The following NECTIN2 variants were observed in gnomAD, a reference collection of about 807,000 sequenced individuals.
NECTIN2 encodes the protein nectin cell adhesion molecule 2, also known as nectin-2.
Under a neutral mutation model 56.9 loss-of-function variants are expected in NECTIN2, and 23 were observed. The observed-to-expected ratio is 0.40, with a 90% CI of 0.29 to 0.57. The LOEUF (loss-of-function observed/expected upper bound fraction) is 0.57. Ranked by LOEUF, NECTIN2 falls within the 20% of genes least tolerant of loss-of-function variation. NECTIN2 has a pLI of 0.38. For missense variants in NECTIN2, 587 were observed against 718.3 expected (o/e 0.82, Z 2.09); for synonymous variants, 302 against 313.8 (o/e 0.96, Z 0.40).
Position 44,874,346 on chromosome 19 carries a change from C to A in NECTIN2, c.910C>A (p.Pro304Thr). 6.2e-7 allele frequency: 1 copy of A among 1,614,162 alleles called. No homozygotes were observed. Among genetic ancestry groups the A allele is most frequent in the Non-Finnish European group, 8.5e-7 (1 of 1,180,014 alleles). Residue 304 changes from proline (P) to threonine (T), a missense_variant, in exon 5 of 9, where the codon CCG (proline) becomes ACG (threonine). Coordinates refer to ENST00000252483, the MANE Select transcript of NECTIN2 (RefSeq NM_001042724.2). This position sits in a 1 kb window ranked among gnomAD's most constrained non-coding sequence, Gnocchi z 6.3. ...YDWSTTSGTF[P>T]TSAVAQGSQL... The stretch of plus-strand genomic sequence containing the variant: ...CCCCTCCAGGACCTCAGGCACCTTC[C>A]CGACCTCCGCAGTGGCCCAGGGCTC...
At chr19:44,856,284 G>A (rs530689027) in intron 1 of NECTIN2, among the ~76,000 whole-genome samples, 2 of 152,302 alleles carry the variant, frequency 1.3e-5, no homozygotes, top group African/African-American at 4.8e-5. Context: ...GTGATACAGC[G>A]AGAATGTGTT....
At chr19:44,882,719 C>T (rs1001647146) in intron 6 of NECTIN2, among the ~76,000 whole-genome samples, 2 of 145,388 alleles carry the variant, frequency 1.4e-5, no homozygotes, top group African/African-American at 5.0e-5. Flanking sequence ...AAAAAAATGG[C>T]CACGCAGGGT....
intron 5 of NECTIN2, chr19:44,878,307 C>A: frequency 6.8e-7 from 1 of 1,462,888 alleles, no homozygotes; most frequent in Non-Finnish European, 9.3e-7. Flanking sequence ...CTGCTTCTGG[C>A]TGGGGGGTCC....
chr19:44,847,001 T>C (rs978323494), intron 1 of NECTIN2, among the ~76,000 whole-genome samples: 26 of 152,078 alleles, frequency 1.7e-4, no homozygotes, highest in Admixed American at 2.6e-4. Flanking sequence ...TCTACCCCTC[T>C]CAGGAATGTG....
At chr19:44,864,386 T>C (rs1319606960) in intron 1 of NECTIN2, among the ~76,000 whole-genome samples, 1 of 151,942 alleles carries the variant, frequency 6.6e-6, no homozygotes, top group African/African-American at 2.4e-5. Flanking sequence ...AAAGGCAGGG[T>C]CTCACTCTGT....
intron 1 of NECTIN2, among the ~76,000 whole-genome samples, chr19:44,847,622 C>T (rs1345257644): frequency 6.6e-6 from 1 of 152,306 alleles, no homozygotes; most frequent in Admixed American, 6.5e-5. Context: ...CCCCGAGTCC[C>T]AGAGGCTGGG....
intron 1 of NECTIN2, among the ~76,000 whole-genome samples, chr19:44,860,443 A>G (rs12978931): frequency 0.19 from 29,411 of 151,934 alleles, 3,100 homozygotes; most frequent in East Asian, 0.46. Context: ...GGCCCCAGAG[A>G]CGGTTTGCAG....
At chr19:44,878,399 T>G (rs781174200) in intron 5 of NECTIN2, 11 of 1,561,490 alleles carry the variant, frequency 7.0e-6, no homozygotes, top group African/African-American at 1.4e-5. Context: ...CGACGGGGGA[T>G]TCTACGATCC....
At chr19:44,850,717 A>C (rs905987996) in intron 1 of NECTIN2, among the ~76,000 whole-genome samples, 1 of 152,176 alleles carries the variant, frequency 6.6e-6, no homozygotes, top group Admixed American at 6.6e-5. Flanking sequence ...ACAGACAGAC[A>C]GCCCTACATC....
At chr19:44,876,665 C>T (rs1969241918) in intron 5 of NECTIN2, among the ~76,000 whole-genome samples, 2 of 152,160 alleles carry the variant, frequency 1.3e-5, no homozygotes, top group South Asian at 4.1e-4. Flanking sequence ...CACAGAGACA[C>T]AGTATGGAGT....
At chr19:44,851,349 C>T (rs1968897822) in intron 1 of NECTIN2, among the ~76,000 whole-genome samples, 2 of 151,672 alleles carry the variant, frequency 1.3e-5, no homozygotes, top group African/African-American at 4.8e-5. Context: ...CCCAGGCCCC[C>T]TGCTCTTCCT....
chr19:44,879,463 G>A (rs1277135538), intron 5 of NECTIN2, among the ~76,000 whole-genome samples: 1 of 152,064 alleles, frequency 6.6e-6, no homozygotes, highest in Non-Finnish European at 1.5e-5. Context: ...GGGCCCTGAG[G>A]GCATGGGGCA....
intron 1 of NECTIN2, among the ~76,000 whole-genome samples, chr19:44,861,570 A>G (rs1458654863): frequency 2.0e-5 from 3 of 152,238 alleles, no homozygotes; most frequent in Admixed American, 6.5e-5. Flanking sequence ...TGAACAGACA[A>G]CCTACAGAGT....
chr19:44,852,637 A>T (rs568021055), intron 1 of NECTIN2, among the ~76,000 whole-genome samples: 2 of 152,078 alleles, frequency 1.3e-5, no homozygotes, highest in East Asian at 3.9e-4. Context: ...CATAGGAACA[A>T]ACCACAAGGA....
intron 2 of NECTIN2, among the ~76,000 whole-genome samples, chr19:44,871,159 C>T (rs1969170116): frequency 6.6e-6 from 1 of 152,178 alleles, no homozygotes; most frequent in South Asian, 2.1e-4. Flanking sequence ...AACCACCACG[C>T]CCGACCAGCT....
At chr19:44,846,830 C>T (rs1294283384) in intron 1 of NECTIN2, among the ~76,000 whole-genome samples, 2 of 151,680 alleles carry the variant, frequency 1.3e-5, no homozygotes, top group Admixed American at 1.3e-4. Context: ...CTCACCACCA[C>T]CCCCATCCTT....
intron 6 of NECTIN2, among the ~76,000 whole-genome samples, chr19:44,884,942 C>A (rs1969343332): frequency 6.6e-6 from 1 of 152,182 alleles, no homozygotes; most frequent in Non-Finnish European, 1.5e-5. Context: ...ATAGTGGATT[C>A]TGGAGACACC....
intron 1 of NECTIN2, among the ~76,000 whole-genome samples, chr19:44,850,012 A>G (rs1968882153): frequency 6.6e-6 from 1 of 152,216 alleles, no homozygotes. Context: ...GGCACAGAGC[A>G]GAGACCAGAG....
Position 44,865,160 on chromosome 19 carries a change from T to G in NECTIN2, c.89-111T>G. On this transcript the variant is annotated intron_variant, in intron 1 of 8. Transcript: ENST00000252483. The surrounding 1 kb of genome is among the most constrained non-coding windows in gnomAD (Gnocchi z 5.2). Reference sequence around the variant, plus strand: ...TCAGGATGCTGCGAAGCTGCCTACGTTGCATGCGGAGCCTGCATTTCCCGT... The same window carrying G: ...TCAGGATGCTGCGAAGCTGCCTACGGTGCATGCGGAGCCTGCATTTCCCGT... The G allele has an allele frequency of 8.3e-7, 1 of 1,200,728 alleles. No homozygotes were observed. Among genetic ancestry groups the G allele is most frequent in the South Asian group, 1.6e-5 (1 of 64,394 alleles). 74.4% of individuals were successfully genotyped at this position (1,200,728 alleles called of 1,614,324 possible).
Sources: gnomAD v4.1 joint callset for allele counts (sites outside exome capture counted in the v4.1 genomes callset) on GRCh38, gnomAD v4.1.1 for gene constraint, Gnocchi (gnomAD v3.1) non-coding constraint, MANE v1.5 for transcripts, NCBI Gene and HGNC (gene_info 2026-07-23, HGNC 2026-07-21) for gene names.